The following PDE1C variants were observed in gnomAD, a reference collection of about 807,000 sequenced individuals.
The protein encoded by PDE1C is dual specificity calcium/calmodulin-dependent 3',5'-cyclic nucleotide phosphodiesterase 1C.
Under a neutral mutation model 93.1 loss-of-function variants are expected in PDE1C, and 62 were observed. The ratio of observed to expected loss-of-function variants is 0.67; its 90% CI spans 0.54 to 0.82. The LOEUF is 0.82. Among genes scored for constraint, PDE1C ranks in the 40% least tolerant of loss-of-function variants. The pLI, the probability that PDE1C is intolerant of heterozygous loss-of-function variation, is 0.00. For synonymous variants in PDE1C, 325 were observed against 310.1 expected (o/e 1.05, Z -0.50); for missense variants, 742 against 884.6 (o/e 0.84, Z 2.04).
At chr7:32,266,024 C>G (rs1183066679) in intron 1 of PDE1C, among the ~76,000 whole-genome samples, 1 of 119,620 alleles carries the variant, frequency 8.4e-6, no homozygotes, top group Non-Finnish European at 1.8e-5. Context: ...CCTGTAATCC[C>G]AGCACTTTGA....
At position 31,775,279 on chromosome 7, in the gene PDE1C, T is replaced by C. The variant is rs28757682; in HGVS notation, c.1960+385A>G. Among the ~76,000 whole-genome samples, 679 of 152,294 alleles carry C rather than the reference T, an allele frequency of 4.5e-3. 5 individuals carry two copies. Among genetic ancestry groups the C allele is most frequent in the African/African-American group, 0.016 (647 of 41,558 alleles). On this transcript the variant is annotated intron_variant, in intron 17 of 17. Transcript: ENST00000396191. ...CATTCCAAGAAGCTGAAGAAGCACA[T>C]GTGAGGGCACACAATTTGAACACAG...
chr7:32,377,543 G>A (rs188956319), intron 1 of PDE1C, among the ~76,000 whole-genome samples: 1 of 152,090 alleles, frequency 6.6e-6, no homozygotes, highest in Non-Finnish European at 1.5e-5. Flanking sequence ...TTATCCCTGC[G>A]CTTCCATCCT....
intron 2 of PDE1C, among the ~76,000 whole-genome samples, chr7:31,935,152 T>G (rs1804866486): frequency 6.6e-6 from 1 of 152,202 alleles, no homozygotes; most frequent in Admixed American, 6.5e-5. Flanking sequence ...TACAGGGGTC[T>G]ATCCATTCTA....
intron 11 of PDE1C, 94 bp from the exon 12 acceptor site, chr7:31,828,467 T>G: frequency 1.3e-6 from 1 of 758,724 alleles, no homozygotes. Flanking sequence ...AGGCCACTGG[T>G]CTTTATTTTA....
Position 32,363,294 on chromosome 7 carries a change from C to T in PDE1C, c.310+64528G>A, listed in dbSNP as rs1784171140. Among the ~76,000 whole-genome samples the T allele has an allele frequency of 2.0e-5, 3 of 152,294 alleles. No individual in the cohort carries two copies. The South Asian group carries it at 6.2e-4, about 32-fold the overall frequency. On this transcript the variant is annotated intron_variant, in intron 1 of 1. Coordinates refer to the PDE1C transcript ENST00000672256. ...CCCATAAGGTAAGTTTCATTATTAG[C>T]CCCATTTTCCAAATGAGGAAACAGT...
chr7:32,241,454 G>T (rs1808539289), intron 1 of PDE1C, among the ~76,000 whole-genome samples: 1 of 152,156 alleles, frequency 6.6e-6, no homozygotes, highest in South Asian at 2.1e-4. Context: ...GGCCAATGTG[G>T]AGGTATTGGG....
chr7:31,871,679 T>C (rs1444627048), intron 6 of PDE1C, among the ~76,000 whole-genome samples: 8 of 146,068 alleles, frequency 5.5e-5, no homozygotes, highest in South Asian at 4.4e-4. Context: ...CCAGTAAGAA[T>C]GGCTGTTATG....
chr7:31,628,685 T>A, the PDE1C span, among the ~76,000 whole-genome samples: 1 of 152,060 alleles, frequency 6.6e-6, no homozygotes, highest in South Asian at 2.1e-4. Flanking sequence ...CTCAATCTCC[T>A]GACCTTGTGA....
At chr7:31,734,357 C>T in the PDE1C span, among the ~76,000 whole-genome samples, 27 of 152,334 alleles carry the variant, frequency 1.8e-4, no homozygotes, top group Admixed American at 3.3e-4. Flanking sequence ...AAAAGCCACA[C>T]AGAATTCTAG....
At chr7:31,863,735 T>G (rs1330631766) in intron 7 of PDE1C, among the ~76,000 whole-genome samples, 1 of 152,198 alleles carries the variant, frequency 6.6e-6, no homozygotes, top group Non-Finnish European at 1.5e-5. Flanking sequence ...TACTTAATAT[T>G]TTTGATACTT....
At chr7:32,252,878 A>G (rs1266950059) in intron 1 of PDE1C, among the ~76,000 whole-genome samples, 2 of 152,262 alleles carry the variant, frequency 1.3e-5, no homozygotes, top group African/African-American at 4.8e-5. Context: ...CAGTTACTGT[A>G]AAAGTTTTTA....
chr7:32,218,880 T>C (rs1245684513), intron 1 of PDE1C, among the ~76,000 whole-genome samples: 2 of 152,196 alleles, frequency 1.3e-5, no homozygotes, highest in African/African-American at 2.4e-5. Context: ...TTGCCATCTG[T>C]TTAGTCTCCC....
rs1263262786 is a variant in PDE1C, at chr7:32,083,693, T to C, written c.308+86092A>G. Among the ~76,000 whole-genome samples, 5 of 152,092 alleles carry C rather than the reference T, an allele frequency of 3.3e-5. No individual in the cohort carries two copies. In the East Asian group the frequency reaches 9.6e-4, roughly 29 times the overall value. On this transcript the variant is annotated intron_variant, in intron 3 of 18. Coordinates refer to the PDE1C transcript ENST00000396193. ...CAAGCCAGAAGAGAGTGGGGTCCAA[T>C]ATTCAACATTCTTAAAGAAAATAAT...
At chr7:31,933,300 G>A (rs555627386) in intron 2 of PDE1C, among the ~76,000 whole-genome samples, 15 of 152,040 alleles carry the variant, frequency 9.9e-5, no homozygotes, top group Non-Finnish European at 1.9e-4. Context: ...ATATCAATAT[G>A]TCAATATAGT....
chr7:31,996,966 A>T (rs546779935), intron 2 of PDE1C, among the ~76,000 whole-genome samples: 19 of 152,338 alleles, frequency 1.2e-4, no homozygotes, highest in African/African-American at 4.6e-4. Flanking sequence ...ATGAGAAGTG[A>T]CATAGTCCTC....
At chr7:31,831,061 A>G (rs894383575) in intron 11 of PDE1C, among the ~76,000 whole-genome samples, 1 of 152,208 alleles carries the variant, frequency 6.6e-6, no homozygotes, top group Non-Finnish European at 1.5e-5. Context: ...AAGAGCTTCC[A>G]AAGACATTTA....
the PDE1C span, among the ~76,000 whole-genome samples, chr7:31,636,307 A>T: frequency 9.7e-4 from 148 of 152,332 alleles, no homozygotes; most frequent in African/African-American, 3.4e-3. Context: ...ATGGGCTCTA[A>T]CATATCACTC....
At chr7:32,146,935 C>T (rs1800873265) in intron 3 of PDE1C, among the ~76,000 whole-genome samples, 1 of 151,598 alleles carries the variant, frequency 6.6e-6, no homozygotes, top group Admixed American at 6.6e-5. Context: ...ATAAAAATGT[C>T]AAAAAATAAT....
intron 16 of PDE1C, among the ~76,000 whole-genome samples, chr7:31,796,743 A>G (rs924755121): frequency 6.6e-6 from 1 of 151,736 alleles, no homozygotes; most frequent in African/African-American, 2.4e-5. Context: ...AAAAAAACCA[A>G]TTACGTTGGG....
Sources: allele counts gnomAD v4.1 joint callset (sites outside exome capture counted in the v4.1 genomes callset), GRCh38; gene constraint gnomAD v4.1.1; transcripts MANE v1.5; gene names NCBI Gene and HGNC (gene_info 2026-07-23, HGNC 2026-07-21).